The following CEACAM5 variants were observed in gnomAD, a reference collection of about 807,000 sequenced individuals.
CEACAM5 encodes the protein CEA cell adhesion molecule 5.
In CEACAM5, 52 loss-of-function variants were observed where a neutral mutation model predicts 63.0. That is an observed-to-expected ratio of 0.83 (90% CI 0.66 to 1.04). The LOEUF (loss-of-function observed/expected upper bound fraction) is 1.04, where lower values mean the gene tolerates loss of function less well. Among genes scored for constraint, CEACAM5 ranks in the 50% least tolerant of loss-of-function variants. The pLI is 0.00. For synonymous variants in CEACAM5, 357 were observed against 351.3 expected (o/e 1.02, Z -0.18); for missense variants, 790 against 864.8 (o/e 0.91, Z 1.08).
chr19:41,709,746 A>C lies in CEACAM5; in HGVS notation c.131A>C (p.Asn44Thr), dbSNP rs140967734. ...AKLTIESTPF[N>T]VAEGKEVLLL... ...CTCACTATTGAATCCACGCCGTTCA[A>C]TGTCGCAGAGGGGAAGGAGGTGCTT... Residue 44 changes from asparagine to threonine, a missense_variant, in exon 2 of 10, where the codon AAT becomes ACT. Asn to Thr is a moderately conservative substitution (Grantham distance 65). Transcript: ENST00000221992. 1.4e-5 allele frequency: 22 copies of C among 1,614,006 alleles called. No homozygotes were observed. The African/African-American group carries it at 2.9e-4, about 22-fold the overall frequency.
intron 8 of CEACAM5, among the ~76,000 whole-genome samples, chr19:41,726,803 G>A (rs984369999): frequency 1.3e-5 from 2 of 152,122 alleles, no homozygotes; most frequent in African/African-American, 2.4e-5. Flanking sequence ...CATGAGAAGC[G>A]AGTTCTCTGT....
intron 6 of CEACAM5, 111 bp downstream of exon 6, chr19:41,718,493 A>G (rs1406918196): frequency 8.9e-7 from 1 of 1,123,218 alleles, no homozygotes; most frequent in Non-Finnish European, 1.3e-6. Context: ...AATGGGCACA[A>G]GCAATCCCAA....
chr19:41,726,107 C>T (rs1014770378), intron 8 of CEACAM5, among the ~76,000 whole-genome samples: 5 of 152,110 alleles, frequency 3.3e-5, no homozygotes, highest in African/African-American at 4.8e-5. Context: ...ATGTAATATT[C>T]GATTAAGCTT....
rs79835792 is a variant in CEACAM5, at chr19:41,718,422, C to T, written c.1492+40C>T. On this transcript the variant is annotated intron_variant, in intron 6 of 9. Transcript: ENST00000221992. Reference sequence around the variant, plus strand: ...GGACCGTTAGCAATATGTTCTGGAGCGGAATCTGTCTGGTTTTCAGAAAAG... The same window carrying T: ...GGACCGTTAGCAATATGTTCTGGAGTGGAATCTGTCTGGTTTTCAGAAAAG... The T allele has an allele frequency of 4.3e-3, 6,870 of 1,598,330 alleles. 295 individuals are homozygous for T. The African/African-American group carries it at 0.079, about 18-fold the overall frequency.
In CEACAM5 at chr19:41,720,074, G is replaced by C. The variant is rs1248734203; in HGVS notation, c.1637G>C (p.Arg546Thr). The change falls in exon 7 of 10, where the codon AGG (arginine) becomes ACG (threonine). Residue 546 changes from arginine (R) to threonine (T), a missense_variant. Arg to Thr is a moderately conservative substitution (Grantham distance 71, BLOSUM62 -1). Transcript: ENST00000221992. ...GGTCAGAGCCTCCCAGTCAGTCCCA[G>C]GCTGCAGCTGTCCAATGGCAACAGG... ...VNGQSLPVSP[R>T]LQLSNGNRTL... The C allele has an allele frequency of 1.9e-6, 3 of 1,614,074 alleles. No individual in the cohort carries two copies. Among genetic ancestry groups the C allele is most frequent in the Non-Finnish European group, 2.5e-6 (3 of 1,180,046 alleles).
intron 7 of CEACAM5, 39 bp from the exon 8 acceptor site, chr19:41,720,883 C>G: frequency 6.2e-7 from 1 of 1,609,764 alleles, no homozygotes; most frequent in Non-Finnish European, 8.5e-7. Flanking sequence ...CCCCTTTCCT[C>G]TGATGACATC....
chr19:41,723,381 T>C (rs2072654856), intron 8 of CEACAM5, among the ~76,000 whole-genome samples: 2 of 152,304 alleles, frequency 1.3e-5, no homozygotes, highest in South Asian at 4.1e-4. Context: ...GGAGTATCAT[T>C]GTGGCTTTGA....
chr19:41,726,618 C>T (rs2072703935), intron 8 of CEACAM5, among the ~76,000 whole-genome samples: 2 of 152,140 alleles, frequency 1.3e-5, no homozygotes, highest in African/African-American at 2.4e-5. Flanking sequence ...CCTGAGAGAG[C>T]CCTCAGACCA....
chr19:41,714,691 G>A (rs1568702427), intron 2 of CEACAM5, among the ~76,000 whole-genome samples: 1 of 151,714 alleles, frequency 6.6e-6, no homozygotes, highest in Non-Finnish European at 1.5e-5. Flanking sequence ...GAGGCACCAG[G>A]AGCTGTGACC....
At chr19:41,722,970 C>T (rs2072647007) in intron 8 of CEACAM5, among the ~76,000 whole-genome samples, 1 of 152,080 alleles carries the variant, frequency 6.6e-6, no homozygotes, top group Admixed American at 6.6e-5. Context: ...TGCACTGGCG[C>T]GATCTCGGCT....
At chr19:41,709,108 C>A (rs529125196) in intron 1 of CEACAM5, among the ~76,000 whole-genome samples, 16 of 152,228 alleles carry the variant, frequency 1.1e-4, no homozygotes, top group Non-Finnish European at 2.2e-4. Context: ...ATCCGCCTAC[C>A]GCGGACATTG....
At position 41,709,742 on chromosome 19, in the gene CEACAM5, T is replaced by C. The variant is rs1555813639; in HGVS notation, c.127T>C (p.Phe43Leu). ...CAAGCTCACTATTGAATCCACGCCG[T>C]TCAATGTCGCAGAGGGGAAGGAGGT... ...TAKLTIESTPFNVAEGKEVLL... is the reference protein window; with the variant it reads ...TAKLTIESTPLNVAEGKEVLL... The change falls in exon 2 of 10, where the codon TTC (phenylalanine) becomes CTC (leucine). Residue 43 changes from phenylalanine (F) to leucine (L), a missense_variant. By Grantham distance (22) the Phe-to-Leu change is conservative (BLOSUM62 0). Transcript: ENST00000221992. 2 of 1,614,072 alleles carry C rather than the reference T, an allele frequency of 1.2e-6. No individual in the cohort carries two copies. Among genetic ancestry groups the C allele is most frequent in the Non-Finnish European group, 1.7e-6 (2 of 1,180,012 alleles).
intron 8 of CEACAM5, 97 bp from the exon 9 acceptor site, chr19:41,727,137 A>C: frequency 1.1e-6 from 1 of 895,522 alleles, no homozygotes; most frequent in Admixed American, 1.7e-5. Flanking sequence ...CAACAAGTAG[A>C]GACTGCTTCA....
chr19:41,720,554 T>C (rs1477834888), intron 7 of CEACAM5, among the ~76,000 whole-genome samples: 1 of 147,788 alleles, frequency 6.8e-6, no homozygotes, highest in Non-Finnish European at 1.5e-5. Flanking sequence ...TCGCCCAGGC[T>C]GGACTGCAGT....
In CEACAM5 at chr19:41,715,789, C is replaced by T; in HGVS notation, c.843C>T (p.Thr281=). The T allele has an allele frequency of 6.2e-7, 1 of 1,614,214 alleles. No homozygotes were observed. Among genetic ancestry groups the T allele is most frequent in the South Asian group, 1.1e-5 (1 of 91,084 alleles). The change falls in exon 4 of 10, where the codon ACC becomes ACT. Residue 281 remains threonine, a synonymous_variant. Coordinates refer to ENST00000221992, the MANE Select transcript of CEACAM5 (RefSeq NM_004363.6). ...TCAATGGGACTTTCCAGCAATCCAC[C>T]CAAGAGCTCTTTATCCCCAACATCA... The part of the protein sequence containing the change: ...WFVNGTFQQS[T]QELFIPNITV...
At chr19:41,709,604 T>A in intron 1 of CEACAM5, 76 bp from the exon 2 acceptor site, 3 of 1,550,436 alleles carry the variant, frequency 1.9e-6, no homozygotes, top group Non-Finnish European at 2.6e-6. Flanking sequence ...AGAGACCTGC[T>A]CAGGACCCAG....
rs1364668359 is a variant in CEACAM5 at position 41,709,887 on chromosome 19, C to G, written c.272C>G (p.Pro91Arg). ...GYVIGTQQAT[P>R]GPAYSGREII... The stretch of plus-strand genomic sequence containing the variant: ...GTAATAGGAACTCAACAAGCTACCC[C>G]AGGGCCCGCATACAGTGGTCGAGAG... The change falls in exon 2 of 10, where the codon CCA becomes CGA. Residue 91 changes from proline (P) to arginine (R), a missense_variant. Pro to Arg is a moderately radical substitution (Grantham distance 103). Coordinates refer to ENST00000221992, the MANE Select transcript of CEACAM5 (RefSeq NM_004363.6). The G allele has an allele frequency of 6.2e-7, 1 of 1,614,166 alleles. No individual in the cohort carries two copies. Among genetic ancestry groups the G allele is most frequent in the Non-Finnish European group, 8.5e-7 (1 of 1,180,026 alleles).
chr19:41,727,759 T>A (rs2061334999), intron 9 of CEACAM5, among the ~76,000 whole-genome samples: 1 of 152,178 alleles, frequency 6.6e-6, no homozygotes. Flanking sequence ...AAAATCTAGT[T>A]CACTCGCCTA....
At chr19:41,714,452 C>T (rs2072486241) in intron 2 of CEACAM5, among the ~76,000 whole-genome samples, 1 of 152,220 alleles carries the variant, frequency 6.6e-6, no homozygotes, top group African/African-American at 2.4e-5. Context: ...GTTATTTCTA[C>T]TGAAACATCC....
Sources: gnomAD v4.1 joint callset for allele counts (sites outside exome capture counted in the v4.1 genomes callset) on GRCh38, gnomAD v4.1.1 for gene constraint, MANE v1.5 for transcripts, NCBI Gene and HGNC (gene_info 2026-07-23, HGNC 2026-07-21) for gene names.